The following DIP2B variants were observed in gnomAD, a reference collection of about 807,000 sequenced individuals.
DIP2B encodes disco-interacting protein 2 homolog B.
DIP2B carries 76 observed loss-of-function variants against 198.0 expected under a neutral mutation model. The observed-to-expected ratio is 0.38, with a 90% CI of 0.32 to 0.46. The LOEUF is 0.46. Among genes scored for constraint, DIP2B ranks in the 20% least tolerant of loss-of-function variants. The probability of loss-of-function intolerance (pLI) is 0.99; values close to 1 mark genes in which losing one functional copy is unlikely to be tolerated. For missense variants in DIP2B, 1,559 were observed against 1,978.4 expected, an observed-to-expected ratio of 0.79 and a Z score of 4.02; for synonymous variants, 701 against 739.1, an observed-to-expected ratio of 0.95 and a Z score of 0.84.
In DIP2B at chr12:50,723,994, A is replaced by G. The variant is rs1592143576; in HGVS notation, c.3288+671A>G. 7.2e-5 allele frequency among the ~76,000 whole-genome samples: 11 copies of G among 152,218 alleles called. No homozygotes were observed. In the South Asian group the frequency reaches 2.1e-3, roughly 29 times the overall value. ...AGAAAATAAGATAAGTGTGTATTGC[A>G]TGAGATCCTAGTGTTTACAGCAAGG... On this transcript the variant is annotated intron_variant, in intron 27 of 37. Coordinates refer to ENST00000301180, the MANE Select transcript of DIP2B (RefSeq NM_173602.3).
At chr12:50,571,961 A>G (rs994443619) in intron 1 of DIP2B, among the ~76,000 whole-genome samples, 46 of 152,304 alleles carry the variant, frequency 3.0e-4, no homozygotes, top group Non-Finnish European at 1.3e-4. Context: ...TTTTAGTTTA[A>G]CTATTCCTTT....
chr12:50,579,864 A>G (rs1958708283), intron 1 of DIP2B, among the ~76,000 whole-genome samples: 1 of 150,724 alleles, frequency 6.6e-6, no homozygotes, highest in Admixed American at 6.6e-5. Flanking sequence ...CTTTGCCTTT[A>G]CTTTTGATGA....
intron 5 of DIP2B, among the ~76,000 whole-genome samples, chr12:50,674,115 T>C (rs774647231): frequency 6.6e-6 from 1 of 152,176 alleles, no homozygotes; most frequent in Non-Finnish European, 1.5e-5. Context: ...TATGATCTTA[T>C]TTGGTTCCAT....
chr12:50,695,538 T>C (rs552231657), intron 15 of DIP2B, among the ~76,000 whole-genome samples, 178 bp downstream of exon 15: 1 of 152,284 alleles, frequency 6.6e-6, no homozygotes, highest in Non-Finnish European at 1.5e-5. Flanking sequence ...CTCTTAAGCA[T>C]TGAGATGAAT....
At chr12:50,521,748 G>A (rs1222166031) in intron 1 of DIP2B, among the ~76,000 whole-genome samples, 2 of 151,494 alleles carry the variant, frequency 1.3e-5, no homozygotes, top group South Asian at 2.1e-4. Context: ...CACTCCAACC[G>A]CCCCTCCGCC....
At chr12:50,696,109 G>A (rs1039894900) in intron 16 of DIP2B, 142 bp downstream of exon 16, 4 of 1,303,066 alleles carry the variant, frequency 3.1e-6, no homozygotes, top group Non-Finnish European at 4.2e-6. Context: ...GTATATTCAC[G>A]AGTTGTGTAA....
chr12:50,704,300 G>C, intron 20 of DIP2B, 80 bp downstream of exon 20: 1 of 1,409,464 alleles, frequency 7.1e-7, no homozygotes, highest in South Asian at 1.2e-5. Context: ...AACAAATTCT[G>C]ATTAGTCCAA....
At chr12:50,619,288 T>C (rs956016995) in intron 1 of DIP2B, among the ~76,000 whole-genome samples, 2 of 152,214 alleles carry the variant, frequency 1.3e-5, no homozygotes, top group African/African-American at 4.8e-5. Flanking sequence ...AAATGAAAGT[T>C]ACTTAGCATT....
intron 1 of DIP2B, among the ~76,000 whole-genome samples, chr12:50,589,725 G>A (rs1958802455): frequency 6.6e-6 from 1 of 152,054 alleles, no homozygotes; most frequent in South Asian, 2.1e-4. Context: ...AGGCAAGCAG[G>A]GCCAGATAAT....
chr12:50,734,986 G>A (rs1422317232), intron 33 of DIP2B, 87 bp from the exon 34 acceptor site: 6 of 1,486,072 alleles, frequency 4.0e-6, no homozygotes, highest in Middle Eastern at 1.7e-4. Flanking sequence ...CAAGTTAGAG[G>A]TTGTGGGAAG....
chr12:50,628,246 C>G (rs939584761), intron 2 of DIP2B, among the ~76,000 whole-genome samples: 10 of 152,074 alleles, frequency 6.6e-5, no homozygotes, highest in African/African-American at 2.4e-4. Flanking sequence ...TGCTGCACAC[C>G]TGTAATGCCA....
chr12:50,699,897 C>CAA lies in DIP2B; in HGVS notation c.2325+705_2325+706dup, dbSNP rs71441394. On this transcript the variant is annotated intron_variant, in intron 19 of 37. Transcript: ENST00000301180. Reference sequence around the variant, plus strand: ...CACACACACACACACACAACAAAACCAAAAAAAAAAAGGGTAAGAGGCCTC... The same window carrying CAA: ...CACACACACACACACACAACAAAACCAAAAAAAAAAAAAGGGTAAGAGGCCTC... Among the ~76,000 whole-genome samples, 46 of 141,964 alleles carry CAA rather than the reference C, an allele frequency of 3.2e-4. No homozygotes were observed. In the South Asian group the frequency reaches 3.6e-3, roughly 11 times the overall value. The allele number at this position is 141,964 out of a possible 152,430, so 93.1% of individuals were successfully genotyped here.
At chr12:50,580,871 C>A (rs1172563833) in intron 1 of DIP2B, among the ~76,000 whole-genome samples, 1 of 149,098 alleles carries the variant, frequency 6.7e-6, no homozygotes, top group Non-Finnish European at 1.5e-5. Flanking sequence ...GCACACAGCA[C>A]CCTCCATCAA....
chr12:50,532,748 T>C (rs910034348), intron 1 of DIP2B, among the ~76,000 whole-genome samples: 34 of 152,230 alleles, frequency 2.2e-4, no homozygotes, highest in African/African-American at 7.2e-4. Flanking sequence ...TGGTTTGACC[T>C]GAGAGAAGGG....
At chr12:50,691,007 C>T in intron 12 of DIP2B, 42 bp from the exon 13 acceptor site, 1 of 1,547,634 alleles carries the variant, frequency 6.5e-7, no homozygotes, top group Non-Finnish European at 8.9e-7. Context: ...CTGAAATAAC[C>T]CATTTTATTG....
intron 1 of DIP2B, among the ~76,000 whole-genome samples, chr12:50,558,813 G>C (rs888807973): frequency 1.3e-5 from 2 of 152,170 alleles, no homozygotes; most frequent in African/African-American, 4.8e-5. Flanking sequence ...TGAAAACCCA[G>C]AAGGCTCAGG....
intron 23 of DIP2B, among the ~76,000 whole-genome samples, chr12:50,716,957 G>GTTTTTTTTTTTTTTTT (rs1592140618): frequency 2.6e-4 from 2 of 7,788 alleles, no homozygotes; most frequent in Non-Finnish European, 4.5e-4. Flanking sequence ...ACGAATTGTT[G>GTTTTTTTTTTTTTTTT]CTTTTTTTTT....
chr12:50,532,406 T>A (rs1958226312), intron 1 of DIP2B, among the ~76,000 whole-genome samples: 1 of 152,054 alleles, frequency 6.6e-6, no homozygotes, highest in South Asian at 2.1e-4. Context: ...TCCCAGCTAC[T>A]TGGGAGTCTG....
intron 1 of DIP2B, among the ~76,000 whole-genome samples, chr12:50,518,098 A>G (rs893316861): frequency 5.9e-5 from 9 of 152,206 alleles, no homozygotes; most frequent in Non-Finnish European, 1.2e-4. Flanking sequence ...AACATTGCAT[A>G]CAATGTATCT....
Sources: allele counts gnomAD v4.1 joint callset (sites outside exome capture counted in the v4.1 genomes callset), GRCh38; gene constraint gnomAD v4.1.1; transcripts MANE v1.5; gene names NCBI Gene and HGNC (gene_info 2026-07-23, HGNC 2026-07-21).